ZNF804A: variants seen among roughly 807,000 people sequenced by gnomAD.
ZNF804A encodes zinc finger protein 804A.
A neutral mutation model predicts 16.5 loss-of-function variants in ZNF804A; 2 were observed. That is an observed-to-expected ratio of 0.12 (90% CI 0.05 to 0.38). The LOEUF is 0.38. Ranked by LOEUF, ZNF804A falls within the 10% of genes least tolerant of loss-of-function variation. The pLI, the probability that ZNF804A is intolerant of heterozygous loss-of-function variation, is 0.99. For missense variants in ZNF804A, 1,473 were observed against 1,390.7 expected (o/e 1.06, Z -0.94); for synonymous variants, 534 against 489.6 (o/e 1.09, Z -1.20).
chr2:184,670,225 T>C (rs1559122249), intron 1 of ZNF804A, among the ~76,000 whole-genome samples: 1 of 152,128 alleles, frequency 6.6e-6, no homozygotes, highest in African/African-American at 2.4e-5. Context: ...CTGAATGTTA[T>C]GTACTATCAG....
intron 1 of ZNF804A, among the ~76,000 whole-genome samples, chr2:184,707,681 A>G (rs899752874): frequency 5.3e-5 from 8 of 152,058 alleles, no homozygotes; most frequent in South Asian, 2.1e-4. Flanking sequence ...TCTTTATCCA[A>G]TCCTCTATGG....
intron 1 of ZNF804A, among the ~76,000 whole-genome samples, chr2:184,789,180 A>G (rs765775111): frequency 2.0e-5 from 3 of 152,004 alleles, no homozygotes; most frequent in Non-Finnish European, 4.4e-5. Context: ...GCATTCCTGG[A>G]ATAAGCCCAC....
intron 1 of ZNF804A, among the ~76,000 whole-genome samples, chr2:184,762,521 G>A (rs1183218668): frequency 3.3e-5 from 5 of 151,748 alleles, no homozygotes; most frequent in Admixed American, 1.3e-4. Flanking sequence ...GCAAATATTT[G>A]CCTACTCTCT....
chr2:184,909,993 T>G (rs981164403), intron 2 of ZNF804A, among the ~76,000 whole-genome samples: 1 of 152,032 alleles, frequency 6.6e-6, no homozygotes, highest in Non-Finnish European at 1.5e-5. Flanking sequence ...TTTTAATTTT[T>G]TATAATTTTG....
At chr2:184,833,143 C>A (rs1019042939) in intron 1 of ZNF804A, among the ~76,000 whole-genome samples, 2 of 152,048 alleles carry the variant, frequency 1.3e-5, no homozygotes, top group African/African-American at 4.8e-5. Context: ...TACTCTCACA[C>A]TTATCTCAGC....
At chr2:184,623,657 C>T (rs1469857631) in intron 1 of ZNF804A, among the ~76,000 whole-genome samples, 3 of 152,128 alleles carry the variant, frequency 2.0e-5, no homozygotes, top group African/African-American at 7.2e-5. Flanking sequence ...AAGATGACAT[C>T]CAAACCCAGC....
chr2:184,789,774 C>A (rs1263598817), intron 1 of ZNF804A, among the ~76,000 whole-genome samples: 2 of 151,998 alleles, frequency 1.3e-5, no homozygotes, highest in Non-Finnish European at 2.9e-5. Context: ...TTTCAAGAAA[C>A]CAACTTTTAG....
At chr2:184,629,922 G>C (rs1691578170) in intron 1 of ZNF804A, among the ~76,000 whole-genome samples, 1 of 152,074 alleles carries the variant, frequency 6.6e-6, no homozygotes, top group African/African-American at 2.4e-5. Context: ...AGGCTTGCAA[G>C]GTGAAAACAG....
At chr2:184,771,064 T>C (rs988692792) in intron 1 of ZNF804A, among the ~76,000 whole-genome samples, 1 of 152,030 alleles carries the variant, frequency 6.6e-6, no homozygotes, top group Non-Finnish European at 1.5e-5. Context: ...TACACAGTGG[T>C]ATGCCATACA....
intron 1 of ZNF804A, among the ~76,000 whole-genome samples, chr2:184,784,284 T>G (rs567340715): frequency 5.5e-4 from 84 of 152,044 alleles, no homozygotes; most frequent in African/African-American, 2.0e-3. Context: ...AGCAAGACAT[T>G]TTTGCTGCAT....
chr2:184,938,228 T>G lies in ZNF804A; in HGVS notation c.2832T>G (p.Asn944Lys), dbSNP rs267599110. Reference sequence around the variant, plus strand: ...ACAAAGAAAGAAGTGAGAATATAAATCTTAATGAAAAGCAAATTCCTTTTC... The same window carrying G: ...ACAAAGAAAGAAGTGAGAATATAAAGCTTAATGAAAAGCAAATTCCTTTTC... ...LEHKERSENI[N>K]LNEKQIPFQV... is the part of the protein sequence containing the mutation. The change falls in exon 4 of 4, where the codon AAT (asparagine) becomes AAG (lysine). Residue 944 changes from asparagine (N) to lysine (K), a missense_variant. Physicochemically the swap from Asn to Lys is moderately conservative, Grantham distance 94. Transcript: ENST00000302277. 3 of 1,614,024 alleles carry G rather than the reference T, an allele frequency of 1.9e-6. No individual in the cohort carries two copies. The South Asian group carries it at 3.3e-5, about 18-fold the overall frequency.
intron 1 of ZNF804A, among the ~76,000 whole-genome samples, chr2:184,827,590 C>T (rs1306931965): frequency 6.6e-6 from 1 of 150,384 alleles, no homozygotes; most frequent in Non-Finnish European, 1.5e-5. Context: ...GTCAATCTTT[C>T]CACCAACCAT....
At chr2:184,766,070 A>C (rs1050200256) in intron 1 of ZNF804A, among the ~76,000 whole-genome samples, 5 of 152,150 alleles carry the variant, frequency 3.3e-5, no homozygotes, top group Non-Finnish European at 7.4e-5. Flanking sequence ...ATGGTTATTA[A>C]TTTTGCCCCA....
In ZNF804A at chr2:184,935,908, T is replaced by C. The variant is rs1297048610; in HGVS notation, c.512T>C (p.Ile171Thr). Reference sequence around the variant, plus strand: ...CAGCAAGATTTCAAATATACTTTGATTCATAGTGAAGAGAATACTAAAGAT... The same window carrying C: ...CAGCAAGATTTCAAATATACTTTGACTCATAGTGAAGAGAATACTAAAGAT... ...NNQQDFKYTL[I>T]HSEENTKDAT... Residue 171 changes from isoleucine (I) to threonine (T), a missense_variant, in exon 4 of 4, where the codon ATT (isoleucine) becomes ACT (threonine). Coordinates refer to ENST00000302277, the MANE Select transcript of ZNF804A (RefSeq NM_194250.2). The C allele has an allele frequency of 6.2e-7, 1 of 1,613,938 alleles. No homozygotes were observed. Among genetic ancestry groups the C allele is most frequent in the Non-Finnish European group, 8.5e-7 (1 of 1,179,906 alleles).
At chr2:184,668,141 T>A (rs958001819) in intron 1 of ZNF804A, among the ~76,000 whole-genome samples, 1 of 151,844 alleles carries the variant, frequency 6.6e-6, no homozygotes, top group Admixed American at 6.6e-5. Flanking sequence ...TTCTATGTGT[T>A]AATGTTTATT....
intron 1 of ZNF804A, among the ~76,000 whole-genome samples, chr2:184,641,245 C>A (rs530500911): frequency 6.6e-6 from 1 of 152,106 alleles, no homozygotes; most frequent in Non-Finnish European, 1.5e-5. Context: ...GCCATCATAC[C>A]CAGCCAAAAC....
intron 1 of ZNF804A, among the ~76,000 whole-genome samples, chr2:184,786,875 TG>T (rs1268951380): frequency 6.6e-6 from 1 of 152,128 alleles, no homozygotes; most frequent in Admixed American, 6.6e-5. Context: ...ATTGTAATGA[TG>T]GTAGAGAGTT....
At chr2:184,771,300 T>C (rs1694208602) in intron 1 of ZNF804A, among the ~76,000 whole-genome samples, 3 of 152,026 alleles carry the variant, frequency 2.0e-5, no homozygotes, top group Admixed American at 6.6e-5. Flanking sequence ...TATAGCTGCA[T>C]AACAAGTCAC....
chr2:184,924,201 G>T (rs1407213185), intron 2 of ZNF804A, among the ~76,000 whole-genome samples: 2 of 151,772 alleles, frequency 1.3e-5, no homozygotes, highest in Non-Finnish European at 2.9e-5. Flanking sequence ...ATCAGGTGCT[G>T]GGATTTTTCT....
Sources: gnomAD v4.1 joint callset for allele counts (sites outside exome capture counted in the v4.1 genomes callset) on GRCh38, gnomAD v4.1.1 for gene constraint, MANE v1.5 for transcripts, NCBI Gene and HGNC (gene_info 2026-07-23, HGNC 2026-07-21) for gene names.